The following NOL4L variants were observed in gnomAD, a reference collection of about 807,000 sequenced individuals.
The protein encoded by NOL4L is nucleolar protein 4 like.
NOL4L carries 7 observed loss-of-function variants against 64.5 expected under a neutral mutation model. The observed-to-expected ratio is 0.11, with a 90% CI of 0.06 to 0.20. The LOEUF (loss-of-function observed/expected upper bound fraction) is 0.20, where lower values mean the gene tolerates loss of function less well. NOL4L is among the 10% of genes least tolerant of loss of function. The probability of loss-of-function intolerance (pLI) is 1.00; values close to 1 mark genes in which losing one functional copy is unlikely to be tolerated. For synonymous variants in NOL4L, 413 were observed against 401.0 expected, an observed-to-expected ratio of 1.03 and a Z score of -0.36; for missense variants, 680 against 967.1, an observed-to-expected ratio of 0.70 and a Z score of 3.94.
At chr20:32,482,522 G>A (rs1443070214) in intron 4 of NOL4L, among the ~76,000 whole-genome samples, 1 of 152,114 alleles carries the variant, frequency 6.6e-6, no homozygotes, top group Non-Finnish European at 1.5e-5. Flanking sequence ...GTCCAGCCTT[G>A]AAGACAAGGT....
intron 1 of NOL4L, among the ~76,000 whole-genome samples, chr20:32,576,562 G>A (rs943158365): frequency 2.6e-5 from 4 of 152,134 alleles, no homozygotes; most frequent in African/African-American, 7.2e-5. Flanking sequence ...CCTTGAGTGA[G>A]TTCCCTCCAC....
chr20:32,466,523 C>G (rs1012053063), intron 5 of NOL4L, among the ~76,000 whole-genome samples: 1 of 152,202 alleles, frequency 6.6e-6, no homozygotes, highest in Non-Finnish European at 1.5e-5. Context: ...TGGCCCACAG[C>G]CAATCCCTGG....
In NOL4L at chr20:32,452,392, C is replaced by T. The variant is rs774975220; in HGVS notation, c.1666G>A (p.Ala556Thr). 9.3e-6 allele frequency: 15 copies of T among 1,611,100 alleles called. No homozygotes were observed. Among genetic ancestry groups the T allele is most frequent in the Non-Finnish European group, 1.2e-5 (14 of 1,178,336 alleles). The change falls in exon 10 of 11, where the codon GCC becomes ACC. Residue 556 changes from alanine to threonine, a missense_variant. Ala to Thr is a moderately conservative substitution (Grantham distance 58). Around this residue, in one of 4 missense-constraint regions of NOL4L, gnomAD observed 175 missense variants for 227.0 expected, o/e 0.77. Coordinates refer to ENST00000621426, the MANE Select transcript of NOL4L (RefSeq NM_001256798.2). ...AGTGAGTAGGTGGAGTGGGTGATGG[C>T]TGCGGAGTCCCGCGAGTGCTGCTTG... is the stretch of plus-strand genomic sequence containing the variant. ...LDKQHSRDSA[A>T]ITHSTYSLPA...
Position 32,456,408 on chromosome 20 carries a change from G to C in NOL4L, c.842-13C>G, listed in dbSNP as rs751886953. ...GAGGAGGAGTCATCTGGAATGAGAG[G>C]CCTGGGTGTGAGGCCCCACCCAAGG... On this transcript the variant is annotated splice_polypyrimidine_tract_variant and intron_variant, in intron 5 of 10. Transcript: ENST00000621426. The C allele has an allele frequency of 6.9e-7, 1 of 1,454,402 alleles. No homozygotes were observed. Among genetic ancestry groups the C allele is most frequent in the Admixed American group, 2.6e-5 (1 of 37,756 alleles). 90.1% of individuals were successfully genotyped at this position (1,454,402 alleles called of 1,614,324 possible).
At chr20:32,565,327 C>T (rs552479796) in intron 1 of NOL4L, among the ~76,000 whole-genome samples, 1 of 152,328 alleles carries the variant, frequency 6.6e-6, no homozygotes, top group East Asian at 1.9e-4. Flanking sequence ...CTGAGCTTCC[C>T]CAGGCTCTGG....
chr20:32,454,683 T>C (rs1301728071), intron 6 of NOL4L, among the ~76,000 whole-genome samples: 1 of 152,242 alleles, frequency 6.6e-6, no homozygotes, highest in East Asian at 1.9e-4. Flanking sequence ...GCCTTCGATG[T>C]GTCCTAAGTA....
chr20:32,510,121 T>C, intron 4 of NOL4L: 1 of 397,856 alleles, frequency 2.5e-6, no homozygotes, highest in South Asian at 1.9e-5. Flanking sequence ...CAAGCCCATT[T>C]TCCCCACTGG....
intron 5 of NOL4L, among the ~76,000 whole-genome samples, chr20:32,473,896 C>A (rs1034997522): frequency 6.6e-6 from 1 of 152,226 alleles, no homozygotes; most frequent in Non-Finnish European, 1.5e-5. Flanking sequence ...CACCTCACAA[C>A]CCTGGCACAC....
rs1482457166 is a variant in NOL4L, at chr20:32,494,277, AAAAAAC to A, written c.699+17064_699+17069del. On this transcript the variant is annotated intron_variant, in intron 4 of 10. Transcript: ENST00000621426. ...GGAAAAAAAAAAAAAAAAAAAAAAAAAAAAACACACAACACACACACACACACAAAC... is the reference window on the plus strand; with the variant it reads ...GGAAAAAAAAAAAAAAAAAAAAAAAAACACAACACACACACACACACAAAC... 1.6e-3 allele frequency among the ~76,000 whole-genome samples: 129 copies of A among 79,812 alleles called. 5 individuals are homozygous for A. The highest frequency in any genetic ancestry group is 5.0e-3 in the African/African-American group (122 of 24,212). 52.4% of individuals were successfully genotyped at this position (79,812 alleles called of 152,430 possible).
intron 4 of NOL4L, among the ~76,000 whole-genome samples, chr20:32,504,570 A>AG (rs10683421): frequency 6.7e-6 from 1 of 148,250 alleles, no homozygotes; most frequent in African/African-American, 2.6e-5. Flanking sequence ...AAAAAAAAAA[A>AG]GAAAGAAAGA....
chr20:32,537,067 C>G, intron 1 of NOL4L: 1 of 985,118 alleles, frequency 1.0e-6, no homozygotes. Context: ...CCCCGCCCCC[C>G]CGGGACGCTG....
rs1010974412 is a variant in NOL4L at position 32,452,277 on chromosome 20, A to G, written c.1781T>C (p.Leu594Pro). 4.4e-6 allele frequency: 7 copies of G among 1,593,030 alleles called. No homozygotes were observed. Among genetic ancestry groups the G allele is most frequent in the Non-Finnish European group, 6.0e-6 (7 of 1,167,916 alleles). The change falls in exon 10 of 11, where the codon CTG (leucine) becomes CCG (proline). Residue 594 changes from leucine (L) to proline (P), a missense_variant. By Grantham distance (98) the Leu-to-Pro change is moderately conservative (BLOSUM62 -3). Transcript: ENST00000621426. ...YRGYGALSSN[L>P]QPPASLQTGN... is the part of the protein sequence containing the mutation. ...TGTTTGGAGGGAGGCAGGGGGCTGC[A>G]GGTTGCTGCTCAAGGCCCCGTACCC...
At chr20:32,534,741 C>T (rs947429935) in intron 1 of NOL4L, among the ~76,000 whole-genome samples, 4 of 151,548 alleles carry the variant, frequency 2.6e-5, no homozygotes, top group South Asian at 2.1e-4. Flanking sequence ...CCTAGCTGGG[C>T]GTGGCGGCAT....
At chr20:32,510,837 C>T (rs981089622) in intron 4 of NOL4L, among the ~76,000 whole-genome samples, 1 of 152,136 alleles carries the variant, frequency 6.6e-6, no homozygotes, top group African/African-American at 2.4e-5. Context: ...AGCCTGTTTC[C>T]ATGGTGTCTC....
chr20:32,474,501 T>A (rs1248243749), intron 5 of NOL4L, 100 bp downstream of exon 5: 1 of 1,410,068 alleles, frequency 7.1e-7, no homozygotes, highest in Non-Finnish European at 9.3e-7. Flanking sequence ...TTGGCCCAGA[T>A]TCCGCCACCC....
rs542497479 is a variant in NOL4L, at chr20:32,481,269, C to T, written c.700-6527G>A. On this transcript the variant is annotated intron_variant, in intron 4 of 10. Coordinates refer to ENST00000621426, the MANE Select transcript of NOL4L (RefSeq NM_001256798.2). ...TCAGCATTCCTCACCACGAGGGCCT[C>T]GCTGGTACCCTCAGACCCTGCCATT... Among the ~76,000 whole-genome samples the T allele has an allele frequency of 3.5e-4, 54 of 152,272 alleles. 1 individual carries two copies. The highest frequency in any genetic ancestry group is 3.4e-3 in the Middle Eastern group (1 of 294).
intron 10 of NOL4L, among the ~76,000 whole-genome samples, chr20:32,448,300 C>T (rs373342262): frequency 1.5e-4 from 23 of 152,308 alleles, no homozygotes; most frequent in East Asian, 1.2e-3. Flanking sequence ...GGGCCCAACA[C>T]ACCTGAGAGA....
At chr20:32,542,739 C>T (rs758072529) in intron 1 of NOL4L, among the ~76,000 whole-genome samples, 17 of 152,190 alleles carry the variant, frequency 1.1e-4, no homozygotes, top group Non-Finnish European at 1.6e-4. Context: ...TAACATGAAG[C>T]TGCAGTGAAA....
At chr20:32,554,044 G>A (rs935450206) in intron 1 of NOL4L, among the ~76,000 whole-genome samples, 43 of 152,154 alleles carry the variant, frequency 2.8e-4, no homozygotes, top group Non-Finnish European at 8.8e-5. Flanking sequence ...GATGTGGCCA[G>A]GCGCGGTGGC....
Sources: allele counts gnomAD v4.1 joint callset (sites outside exome capture counted in the v4.1 genomes callset), GRCh38; gene constraint gnomAD v4.1.1; regional missense constraint gnomAD v4.1.1; transcripts MANE v1.5; gene names NCBI Gene and HGNC (gene_info 2026-07-23, HGNC 2026-07-21).